COPG2: variants seen among roughly 807,000 people sequenced by gnomAD.
COPG2 encodes coat protein complex I subunit gamma 2, also known as coatomer subunit gamma-2.
A neutral mutation model predicts 46.3 loss-of-function variants in COPG2; 37 were observed. The observed-to-expected ratio is 0.80, with a 90% CI of 0.61 to 1.05. The LOEUF (loss-of-function observed/expected upper bound fraction) is 1.05, where lower values mean the gene tolerates loss of function less well. COPG2 is among the 50% of genes least tolerant of loss of function. The pLI, the probability that COPG2 is intolerant of heterozygous loss-of-function variation, is 0.00. For synonymous variants in COPG2, 159 were observed against 129.7 expected (o/e 1.23, Z -1.53); for missense variants, 427 against 387.8 (o/e 1.10, Z -0.85).
chr7:130,587,936 C>A (rs1214349451), intron 9 of COPG2, among the ~76,000 whole-genome samples: 1 of 151,698 alleles, frequency 6.6e-6, no homozygotes, highest in Admixed American at 6.6e-5. Context: ...TGAACTCAAA[C>A]AAATTTACAA....
chr7:130,637,108 G>A (rs1417717435), intron 5 of COPG2, among the ~76,000 whole-genome samples: 1 of 152,178 alleles, frequency 6.6e-6, no homozygotes, highest in Non-Finnish European at 1.5e-5. Flanking sequence ...AGTCTGATGG[G>A]CTTCCCTTTG....
intron 9 of COPG2, among the ~76,000 whole-genome samples, chr7:130,576,057 C>T (rs1372414910): frequency 7.2e-5 from 11 of 151,992 alleles, no homozygotes; most frequent in African/African-American, 2.7e-4. Context: ...ACTTGAGCTC[C>T]CAAATTTATA....
rs1554452192 is a variant in COPG2, at chr7:130,612,165, T to C, written c.566A>G (p.Asn189Ser). The C allele has an allele frequency of 1.2e-6, 2 of 1,609,676 alleles. No individual in the cohort carries two copies. The highest frequency in any genetic ancestry group is 3.3e-5 in the Admixed American group (2 of 59,932). The change falls in exon 8 of 24, where the codon AAT becomes AGT. Residue 189 changes from asparagine to serine, a missense_variant. Asn to Ser is a conservative substitution (Grantham distance 46, BLOSUM62 1). Coordinates refer to ENST00000425248, the MANE Select transcript of COPG2 (RefSeq NM_012133.6). ...NEAQEAASSDNIMVQYHALGV... is the reference protein window; with the variant it reads ...NEAQEAASSDSIMVQYHALGV... ...CAATGACAATACCTGGACCATAATA[T>C]TATCACTTGATGCAGCTTCTTGGGC... is the stretch of plus-strand genomic sequence containing the variant.
intron 20 of COPG2, among the ~76,000 whole-genome samples, chr7:130,531,046 T>C (rs1799819725): frequency 3.3e-5 from 1 of 30,662 alleles, no homozygotes; most frequent in African/African-American, 1.1e-4. Context: ...ACGGATCCGG[T>C]GGGGAAGGGT....
rs1793498829 is a variant in COPG2 at position 130,549,380 on chromosome 7, TAA to T, written c.1775-6_1775-5del. ...TTAGTAGCCACAAGTGTGATTTCTA[TAA>T]AGACAGATATGAGCAAGTAAGTGAA... On this transcript the variant is annotated splice_region_variant and splice_polypyrimidine_tract_variant and intron_variant, in intron 17 of 23. Transcript: ENST00000425248. 10 of 398,590 alleles carry T rather than the reference TAA, an allele frequency of 2.5e-5. No homozygotes were observed. In the South Asian group the frequency reaches 1.1e-3, roughly 46 times the overall value. 24.7% of individuals were successfully genotyped at this position (398,590 alleles called of 1,614,324 possible). A position where few individuals can be genotyped will look rare whatever the true frequency, so the allele number is the denominator to read the frequency against.
At chr7:130,525,428 T>G (rs1799764324) in intron 20 of COPG2, among the ~76,000 whole-genome samples, 2 of 152,096 alleles carry the variant, frequency 1.3e-5, no homozygotes. Flanking sequence ...TCAGGTTAAA[T>G]GAAGGAAATA....
At chr7:130,525,941 G>C (rs1202329312) in intron 20 of COPG2, among the ~76,000 whole-genome samples, 2 of 92,334 alleles carry the variant, frequency 2.2e-5, no homozygotes, top group Non-Finnish European at 4.6e-5. Context: ...GCAACCAAGA[G>C]GGAAAGAAGA....
rs1793589393 is a variant in COPG2, at chr7:130,554,624, A to T, written c.1325T>A (p.Phe442Tyr). The stretch of plus-strand genomic sequence containing the variant: ...AACAGTGTGTTCACAGTCCTCAATG[A>T]ATTCACAAAGGTGGGCTAGGCCTGC... ...KEAGLAHLCEFIEDCEHTVLA... is the reference protein window; with the variant it reads ...KEAGLAHLCEYIEDCEHTVLA... The change falls in exon 14 of 24, where the codon TTC (phenylalanine) becomes TAC (tyrosine). Residue 442 changes from phenylalanine to tyrosine, a missense_variant. Transcript: ENST00000425248. The T allele has an allele frequency of 5.0e-6, 2 of 398,508 alleles. No individual in the cohort carries two copies. The highest frequency in any genetic ancestry group is 4.1e-5 in the African/African-American group (2 of 48,628). 24.7% of individuals were successfully genotyped at this position (398,508 alleles called of 1,614,324 possible).
chr7:130,574,247 T>C (rs1793965592), intron 9 of COPG2, among the ~76,000 whole-genome samples: 1 of 152,156 alleles, frequency 6.6e-6, no homozygotes, highest in Non-Finnish European at 1.5e-5. Flanking sequence ...AAAAATATTA[T>C]ATTAAGTGAA....
At chr7:130,636,419 T>C (rs1455748928) in intron 5 of COPG2, among the ~76,000 whole-genome samples, 3 of 152,210 alleles carry the variant, frequency 2.0e-5, no homozygotes, top group Non-Finnish European at 4.4e-5. Flanking sequence ...TTCATATATT[T>C]AGGATAGTTA....
At chr7:130,535,995 G>T (rs1799876284) in intron 20 of COPG2, among the ~76,000 whole-genome samples, 1 of 152,082 alleles carries the variant, frequency 6.6e-6, no homozygotes. Flanking sequence ...GATATGAAAA[G>T]AGGAGGGATG....
intron 5 of COPG2, among the ~76,000 whole-genome samples, chr7:130,623,283 T>C (rs550294753): frequency 3.3e-5 from 5 of 152,324 alleles, no homozygotes; most frequent in East Asian, 3.9e-4. Context: ...GGGGTACAGA[T>C]GGGATGCTGT....
At chr7:130,532,389 C>T (rs889671688) in intron 20 of COPG2, among the ~76,000 whole-genome samples, 8 of 151,726 alleles carry the variant, frequency 5.3e-5, no homozygotes, top group East Asian at 1.9e-4. Context: ...GGAGGGAAGG[C>T]GCAAAGGGGA....
At chr7:130,587,261 GGCACCACT>G (rs1207353275) in intron 9 of COPG2, among the ~76,000 whole-genome samples, 11 of 151,750 alleles carry the variant, frequency 7.2e-5, no homozygotes, top group Non-Finnish European at 1.6e-4. Flanking sequence ...GAGCCGAGAT[GGCACCACT>G]GCACTCCAGC....
At chr7:130,536,741 G>C (rs1181691063) in intron 20 of COPG2, among the ~76,000 whole-genome samples, 5 of 152,206 alleles carry the variant, frequency 3.3e-5, no homozygotes, top group African/African-American at 1.2e-4. Context: ...CGAGCAAATG[G>C]ATGTAGCCGA....
At chr7:130,645,528 A>C in intron 5 of COPG2, 1 of 235,172 alleles carries the variant, frequency 4.3e-6, no homozygotes. Context: ...CACCTCAATC[A>C]TGATCCGGCC....
intron 12 of COPG2, among the ~76,000 whole-genome samples, chr7:130,559,351 G>A (rs1484773952): frequency 6.6e-6 from 1 of 152,068 alleles, no homozygotes; most frequent in Non-Finnish European, 1.5e-5. Context: ...GCTGCCAGGG[G>A]CCGGAGAACC....
chr7:130,556,488 T>C (rs1035286239), intron 12 of COPG2, among the ~76,000 whole-genome samples: 2,407 of 152,248 alleles, frequency 0.016, 26 homozygotes, highest in Non-Finnish European at 0.023. Context: ...CCCAAATCCA[T>C]ATATACAGTT....
At chr7:130,663,730 C>CTTTTTTTTTTTTTT (rs71178602) in intron 3 of COPG2, among the ~76,000 whole-genome samples, 3 of 67,148 alleles carry the variant, frequency 4.5e-5, no homozygotes, top group Non-Finnish European at 5.3e-5. Flanking sequence ...CATTTCTTTT[C>CTTTTTTTTTTTTTT]TTTTTTTTTT....
Sources: allele counts gnomAD v4.1 joint callset (sites outside exome capture counted in the v4.1 genomes callset), GRCh38; gene constraint gnomAD v4.1.1; transcripts MANE v1.5; gene names NCBI Gene and HGNC (gene_info 2026-07-23, HGNC 2026-07-21).